The following DACH1 variants were observed in gnomAD, a reference collection of about 807,000 sequenced individuals.
DACH1 encodes the protein dachshund homolog 1.
DACH1 carries 12 observed loss-of-function variants against 54.2 expected under a neutral mutation model. The observed-to-expected ratio is 0.22, with a 90% CI of 0.14 to 0.36. The LOEUF (loss-of-function observed/expected upper bound fraction) is 0.36. DACH1 is among the 10% of genes least tolerant of loss of function. DACH1 has a pLI of 1.00. For synonymous variants in DACH1, 386 were observed against 366.2 expected, an observed-to-expected ratio of 1.05 and a Z score of -0.62; for missense variants, 805 against 929.8, an observed-to-expected ratio of 0.87 and a Z score of 1.75.
intron 3 of DACH1, among the ~76,000 whole-genome samples, chr13:71,624,680 T>A (rs1036995578): frequency 2.0e-5 from 3 of 151,990 alleles, no homozygotes; most frequent in Non-Finnish European, 4.4e-5. Flanking sequence ...GAATCAGTGA[T>A]ACTGTAATTG....
intron 4 of DACH1, among the ~76,000 whole-genome samples, chr13:71,560,896 T>C (rs911280445): frequency 6.6e-6 from 1 of 152,118 alleles, no homozygotes; most frequent in African/African-American, 2.4e-5. Context: ...GTTAAAAGTG[T>C]GGAAGAAAAC....
chr13:71,737,239 A>C (rs1400630056), intron 1 of DACH1, among the ~76,000 whole-genome samples: 1 of 152,172 alleles, frequency 6.6e-6, no homozygotes, highest in Non-Finnish European at 1.5e-5. Flanking sequence ...AAGAAAAAAA[A>C]AGTTGAAGGG....
chr13:71,588,650 CA>C (rs1326463048), intron 3 of DACH1, among the ~76,000 whole-genome samples: 1 of 151,854 alleles, frequency 6.6e-6, no homozygotes, highest in Non-Finnish European at 1.5e-5. Context: ...GTCATTTTTT[CA>C]GAAACAATTT....
intron 1 of DACH1, among the ~76,000 whole-genome samples, chr13:71,839,323 G>A (rs1319436639): frequency 1.4e-4 from 21 of 152,026 alleles, no homozygotes; most frequent in Admixed American, 1.2e-3. Context: ...ATTATTTTAC[G>A]GTTAAAACTC....
At chr13:71,526,045 G>A (rs758577566) in intron 6 of DACH1, among the ~76,000 whole-genome samples, 1 of 151,894 alleles carries the variant, frequency 6.6e-6, no homozygotes, top group African/African-American at 2.4e-5. Flanking sequence ...ACATTTCAAG[G>A]GCAAAAATAT....
chr13:71,490,745 T>C (rs1448119182), intron 6 of DACH1, among the ~76,000 whole-genome samples: 6 of 152,240 alleles, frequency 3.9e-5, no homozygotes, highest in Non-Finnish European at 8.8e-5. Flanking sequence ...CCAAGGCTGC[T>C]AGTGTTTTCT....
intron 1 of DACH1, among the ~76,000 whole-genome samples, chr13:71,785,260 G>C (rs1002658885): frequency 6.6e-6 from 1 of 152,050 alleles, no homozygotes; most frequent in Non-Finnish European, 1.5e-5. Flanking sequence ...TAATTAGGAA[G>C]AACAAAGTTA....
chr13:71,831,380 A>AGTT (rs1470801251), intron 1 of DACH1, among the ~76,000 whole-genome samples: 3 of 151,888 alleles, frequency 2.0e-5, no homozygotes, highest in East Asian at 3.9e-4. Flanking sequence ...AATAAATACA[A>AGTT]GTTAAAAAAA....
At chr13:71,734,146 G>A (rs1486753565) in intron 1 of DACH1, among the ~76,000 whole-genome samples, 1 of 148,132 alleles carries the variant, frequency 6.8e-6, no homozygotes, top group African/African-American at 2.5e-5. Flanking sequence ...CCATATATAT[G>A]TATATCCCAT....
intron 1 of DACH1, among the ~76,000 whole-genome samples, chr13:71,812,722 G>C (rs892588792): frequency 3.9e-5 from 6 of 151,984 alleles, no homozygotes; most frequent in African/African-American, 1.4e-4. Context: ...TATTTAACTT[G>C]AGATTCCTCT....
chr13:71,688,041 A>T (rs1400694628), intron 1 of DACH1, among the ~76,000 whole-genome samples: 1 of 152,190 alleles, frequency 6.6e-6, no homozygotes, highest in African/African-American at 2.4e-5. Flanking sequence ...CATATAATTA[A>T]CCACATATAA....
chr13:71,590,880 T>TTTC (rs1873661294), intron 3 of DACH1, among the ~76,000 whole-genome samples: 1 of 138,404 alleles, frequency 7.2e-6, no homozygotes, highest in South Asian at 2.4e-4. Flanking sequence ...TCTTTCTTTT[T>TTTC]TTTTTTTTTT....
chr13:71,740,568 G>GA (rs1272691218), intron 1 of DACH1, among the ~76,000 whole-genome samples: 2 of 152,096 alleles, frequency 1.3e-5, no homozygotes, highest in South Asian at 4.1e-4. Flanking sequence ...GTGCTTCAAA[G>GA]AAAAAAATTG....
intron 1 of DACH1, among the ~76,000 whole-genome samples, chr13:71,812,317 A>T (rs563629588): frequency 2.6e-5 from 4 of 152,244 alleles, no homozygotes; most frequent in African/African-American, 9.6e-5. Flanking sequence ...TTTTATTTTC[A>T]TGTCTATTTG....
intron 3 of DACH1, among the ~76,000 whole-genome samples, chr13:71,598,151 C>T (rs529931272): frequency 6.6e-6 from 1 of 151,970 alleles, no homozygotes; most frequent in Admixed American, 6.6e-5. Flanking sequence ...TATTAAGATG[C>T]ACTAGCTATA....
rs1419015870 is a variant in DACH1, at chr13:71,824,004, T to C, written c.848+41918A>G. Among the ~76,000 whole-genome samples, 4 of 152,144 alleles carry C rather than the reference T, an allele frequency of 2.6e-5. No individual in the cohort carries two copies. The South Asian group carries it at 6.2e-4, about 24-fold the overall frequency. On this transcript the variant is annotated intron_variant, in intron 1 of 10. Coordinates refer to ENST00000613252, the MANE Select transcript of DACH1 (RefSeq NM_080759.6). The stretch of plus-strand genomic sequence containing the variant: ...AGGAGAAATAGCTTACTAATGTTTT[T>C]CTATATGGAATAGTTCACAATTCTT...
chr13:71,573,307 C>T, intron 3 of DACH1: 5 of 628,402 alleles, frequency 8.0e-6, no homozygotes, highest in South Asian at 3.9e-5. Flanking sequence ...TTAACTTATC[C>T]CAATTAGCTA....
At chr13:71,462,681 G>A (rs765646202) in intron 10 of DACH1, among the ~76,000 whole-genome samples, 11 of 151,776 alleles carry the variant, frequency 7.2e-5, no homozygotes, top group Non-Finnish European at 1.0e-4. Context: ...ACTTCTTTAC[G>A]TGTATTAATT....
intron 10 of DACH1, among the ~76,000 whole-genome samples, chr13:71,449,114 C>T (rs148832972): frequency 3.3e-5 from 5 of 152,000 alleles, no homozygotes; most frequent in Admixed American, 6.5e-5. Context: ...CCGAGGCAGG[C>T]AGATGGCCCG....
Sources: allele counts gnomAD v4.1 joint callset (sites outside exome capture counted in the v4.1 genomes callset), GRCh38; gene constraint gnomAD v4.1.1; transcripts MANE v1.5; gene names NCBI Gene and HGNC (gene_info 2026-07-23, HGNC 2026-07-21).